RGS8: variants seen among roughly 807,000 people sequenced by gnomAD.
The protein encoded by RGS8 is regulator of G protein signaling 8, also known as regulator of G-protein signaling 8.
A neutral mutation model predicts 21.7 loss-of-function variants in RGS8; 8 were observed. The observed-to-expected ratio is 0.37, with a 90% CI of 0.22 to 0.66. The LOEUF is 0.66. Ranked by LOEUF, RGS8 falls within the 30% of genes least tolerant of loss-of-function variation. RGS8 has a pLI of 0.59. For synonymous variants in RGS8, 80 were observed against 83.6 expected, an observed-to-expected ratio of 0.96 and a Z score of 0.24; for missense variants, 157 against 217.9, an observed-to-expected ratio of 0.72 and a Z score of 1.76.
the RGS8 span, among the ~76,000 whole-genome samples, chr1:182,715,019 G>T: frequency 6.6e-6 from 1 of 152,146 alleles, no homozygotes; most frequent in African/African-American, 2.4e-5. Flanking sequence ...TTTTCAATGC[G>T]CCATAATCTT....
chr1:182,697,204 G>A, the RGS8 span, among the ~76,000 whole-genome samples: 1,130 of 152,310 alleles, frequency 7.4e-3, 16 homozygotes, highest in African/African-American at 0.026. Context: ...CATGGATATG[G>A]GCAGAGGTAG....
At chr1:182,729,505 G>T in the RGS8 span, among the ~76,000 whole-genome samples, 2 of 152,126 alleles carry the variant, frequency 1.3e-5, no homozygotes, top group Non-Finnish European at 2.9e-5. Flanking sequence ...CACATAATAA[G>T]TCAGAATTCT....
the RGS8 span, among the ~76,000 whole-genome samples, chr1:182,742,747 G>GAGGGACAGGGACAGGGACAGGGAC: frequency 1.6e-4 from 24 of 150,294 alleles, no homozygotes; most frequent in Non-Finnish European, 2.4e-4. Context: ...GGGAGAGGGA[G>GAGGGACAGGGACAGGGACAGGGAC]AGGGACAGGG....
chr1:182,671,903 C>T (rs1664182545), exon 1 of RGS8: 9 of 1,469,016 alleles, frequency 6.1e-6, no homozygotes, highest in Non-Finnish European at 8.1e-6. Context: ...CTTCTCTCTG[C>T]TTGTCACATC....
the RGS8 span, among the ~76,000 whole-genome samples, chr1:182,700,671 A>G: frequency 6.6e-6 from 1 of 152,240 alleles, no homozygotes; most frequent in African/African-American, 2.4e-5. Context: ...TAGAGTTCTC[A>G]TTCTACTAAG....
At chr1:182,678,990 T>G (rs1037104206) in intron 1 of RGS8, among the ~76,000 whole-genome samples, 9 of 152,148 alleles carry the variant, frequency 5.9e-5, no homozygotes, top group Non-Finnish European at 1.2e-4. Flanking sequence ...CACCCTGACC[T>G]CCTTCCAGCT....
At chr1:182,648,054 A>C (rs1424477439) in intron 6 of RGS8, 83 bp downstream of exon 7, 1 of 1,301,400 alleles carries the variant, frequency 7.7e-7, no homozygotes, top group Admixed American at 2.4e-5. Flanking sequence ...AGTCCTCATC[A>C]AGCCTGGCTC....
chr1:182,715,809 G>C, the RGS8 span, among the ~76,000 whole-genome samples: 10 of 152,140 alleles, frequency 6.6e-5, no homozygotes, highest in Admixed American at 6.5e-4. Flanking sequence ...AGTGTGGCTA[G>C]TAATATTAGG....
the RGS8 span, among the ~76,000 whole-genome samples, chr1:182,750,706 T>C: frequency 3.3e-5 from 5 of 152,234 alleles, no homozygotes; most frequent in Non-Finnish European, 7.3e-5. Context: ...AATACCTTCA[T>C]GTTTATGAAG....
At chr1:182,734,604 T>C in the RGS8 span, 1 of 152,256 alleles carries the variant, frequency 6.6e-6, no homozygotes, top group Non-Finnish European at 1.5e-5. Flanking sequence ...TGTCTCATTA[T>C]AAGGTATGGT....
the RGS8 span, chr1:182,734,863 T>C: frequency 6.6e-6 from 1 of 152,228 alleles, no homozygotes; most frequent in Non-Finnish European, 1.5e-5. Flanking sequence ...CATAGAAATA[T>C]AATGTGGGCC....
chr1:182,649,983 C>A (rs1010867041), intron 5 of RGS8, among the ~76,000 whole-genome samples: 3 of 151,326 alleles, frequency 2.0e-5, no homozygotes, highest in African/African-American at 7.3e-5. Context: ...ACAGTTCCGA[C>A]TCACTGCAAC....
upstream of RGS8, among the ~76,000 whole-genome samples, chr1:182,675,263 C>T (rs1664317661): frequency 6.6e-6 from 1 of 152,168 alleles, no homozygotes; most frequent in African/African-American, 2.4e-5. Context: ...TTTCTCCATT[C>T]CCTTCCTAAA....
chr1:182,648,423 C>T, intron 5 of RGS8, 120 bp from the exon 7 acceptor site: 1 of 991,542 alleles, frequency 1.0e-6, no homozygotes, highest in Admixed American at 2.1e-5. Flanking sequence ...CTCACTGCTC[C>T]TCCACACCCT....
chr1:182,729,398 A>C, the RGS8 span, among the ~76,000 whole-genome samples: 17 of 152,212 alleles, frequency 1.1e-4, no homozygotes, highest in Non-Finnish European at 2.1e-4. Context: ...GATTATTGGC[A>C]AAAGTGGGAA....
the RGS8 span, among the ~76,000 whole-genome samples, chr1:182,725,340 C>G: frequency 3.3e-5 from 5 of 152,214 alleles, no homozygotes; most frequent in Non-Finnish European, 7.4e-5. Flanking sequence ...CTAAATATAA[C>G]AGATGCTCAC....
the RGS8 span, among the ~76,000 whole-genome samples, chr1:182,705,947 C>A: frequency 6.6e-6 from 1 of 152,112 alleles, no homozygotes; most frequent in Admixed American, 6.6e-5. Flanking sequence ...CCCCCACTAT[C>A]CCTGAGAAAT....
At chr1:182,707,716 G>A in the RGS8 span, among the ~76,000 whole-genome samples, 1 of 152,052 alleles carries the variant, frequency 6.6e-6, no homozygotes, top group African/African-American at 2.4e-5. Context: ...GTTTTGTTTT[G>A]TTTTGTTTTT....
At chr1:182,679,355 C>T (rs1217249082) in intron 1 of RGS8, among the ~76,000 whole-genome samples, 3 of 152,058 alleles carry the variant, frequency 2.0e-5, no homozygotes, top group Non-Finnish European at 4.4e-5. Context: ...TCTTTATGAA[C>T]CTCTTTGCTG....
Sources: allele counts gnomAD v4.1 joint callset (sites outside exome capture counted in the v4.1 genomes callset), GRCh38; gene constraint gnomAD v4.1.1; transcripts MANE v1.5; gene names NCBI Gene and HGNC (gene_info 2026-07-23, HGNC 2026-07-21).